Variants in MACROD2 observed in about 807,000 individuals in gnomAD.
MACROD2 encodes mono-ADP ribosylhydrolase 2.
A neutral mutation model predicts 70.4 loss-of-function variants in MACROD2; 36 were observed. The ratio of observed to expected loss-of-function variants is 0.51; its 90% confidence interval spans 0.39 to 0.68. The LOEUF (loss-of-function observed/expected upper bound fraction) is 0.68, where lower values mean the gene tolerates loss of function less well. Ranked by LOEUF, MACROD2 falls within the 30% of genes least tolerant of loss-of-function variation. The pLI is 0.00. For missense variants in MACROD2, 496 were observed against 538.4 expected (o/e 0.92, Z 0.78); for synonymous variants, 172 against 178.8 (o/e 0.96, Z 0.30).
rs951397131 is a variant in MACROD2 at position 15,461,006 on chromosome 20, AT to A, written c.571+29580del. On this transcript the variant is annotated intron_variant, in intron 7 of 17. Coordinates refer to ENST00000684519, the MANE Select transcript of MACROD2 (RefSeq NM_001351661.2). ...TATATATATATATATATATATATAT[AT>A]TTTTTTTTAATAGATGGGGTCTTGC... 2.4e-4 allele frequency among the ~76,000 whole-genome samples: 16 copies of A among 67,018 alleles called. 1 individual carries two copies. Among genetic ancestry groups the A allele is most frequent in the South Asian group, 6.8e-4 (1 of 1,472 alleles). The allele number at this position is 67,018 out of a possible 152,430, so 44.0% of individuals were successfully genotyped here.
At chr20:15,765,647 G>A (rs894626709) in intron 8 of MACROD2, among the ~76,000 whole-genome samples, 1 of 152,024 alleles carries the variant, frequency 6.6e-6, no homozygotes, top group African/African-American at 2.4e-5. Flanking sequence ...GTGTTAAAGA[G>A]GGAAAACATA....
At chr20:15,779,879 G>C (rs2051800132) in intron 8 of MACROD2, among the ~76,000 whole-genome samples, 1 of 152,078 alleles carries the variant, frequency 6.6e-6, no homozygotes. Context: ...TTGTGTTGGA[G>C]CCTTATTGAT....
intron 3 of MACROD2, among the ~76,000 whole-genome samples, chr20:14,420,410 C>A (rs937932916): frequency 3.3e-5 from 5 of 151,966 alleles, no homozygotes; most frequent in Non-Finnish European, 7.4e-5. Context: ...ATAGTAGACA[C>A]CCTAATCATT....
At chr20:14,270,927 C>T (rs553757251) in intron 3 of MACROD2, among the ~76,000 whole-genome samples, 8 of 152,342 alleles carry the variant, frequency 5.3e-5, no homozygotes, top group East Asian at 1.9e-4. Context: ...AAGGCCGCAG[C>T]GAGGCTGGGG....
chr20:14,430,932 G>T (rs772326243), intron 3 of MACROD2, among the ~76,000 whole-genome samples: 5 of 152,184 alleles, frequency 3.3e-5, no homozygotes, highest in Middle Eastern at 6.8e-3. Flanking sequence ...CTTGGAAGCC[G>T]CATGATGGGA....
At chr20:14,752,364 C>T (rs943694788) in intron 5 of MACROD2, among the ~76,000 whole-genome samples, 2 of 151,072 alleles carry the variant, frequency 1.3e-5, no homozygotes, top group East Asian at 1.9e-4. Flanking sequence ...CTACTACATC[C>T]ATTGAGTTAT....
intron 8 of MACROD2, among the ~76,000 whole-genome samples, chr20:15,655,585 G>C (rs1050403903): frequency 6.6e-6 from 1 of 152,158 alleles, no homozygotes; most frequent in Admixed American, 6.5e-5. Context: ...TTTAAAAGTT[G>C]TGTAACATTA....
chr20:15,135,830 C>CA (rs2076143147), intron 5 of MACROD2, among the ~76,000 whole-genome samples: 1 of 143,758 alleles, frequency 7.0e-6, no homozygotes, highest in South Asian at 2.3e-4. Flanking sequence ...TGTCTCAGCC[C>CA]AAAATCTCCT....
intron 10 of MACROD2, among the ~76,000 whole-genome samples, chr20:15,932,223 G>C (rs1316762650): frequency 6.6e-6 from 1 of 152,134 alleles, no homozygotes; most frequent in Admixed American, 6.6e-5. Flanking sequence ...CTCTCCATGT[G>C]TCTCCCTCCA....
intron 5 of MACROD2, among the ~76,000 whole-genome samples, chr20:14,844,474 G>T (rs190120608): frequency 6.6e-6 from 1 of 151,832 alleles, no homozygotes; most frequent in East Asian, 1.9e-4. Flanking sequence ...CCAAGATGGC[G>T]CCACTGCACT....
intron 6 of MACROD2, among the ~76,000 whole-genome samples, chr20:15,269,381 C>T (rs956712848): frequency 6.6e-6 from 1 of 152,216 alleles, no homozygotes; most frequent in African/African-American, 2.4e-5. Context: ...CCACCCATTC[C>T]TTAGCTGTCC....
At chr20:15,084,865 A>G (rs2075734934) in intron 5 of MACROD2, among the ~76,000 whole-genome samples, 1 of 152,194 alleles carries the variant, frequency 6.6e-6, no homozygotes, top group Non-Finnish European at 1.5e-5. Flanking sequence ...CTACAGATTC[A>G]ATGCAATACT....
chr20:14,733,530 G>A (rs6042884), intron 5 of MACROD2, among the ~76,000 whole-genome samples: 3 of 152,134 alleles, frequency 2.0e-5, no homozygotes, highest in African/African-American at 7.2e-5. Context: ...GTAAGAAATT[G>A]ATAATGTATC....
At chr20:14,751,772 A>C (rs1441483615) in intron 5 of MACROD2, among the ~76,000 whole-genome samples, 1 of 152,114 alleles carries the variant, frequency 6.6e-6, no homozygotes, top group Non-Finnish European at 1.5e-5. Context: ...TGGCTAAAAC[A>C]AGTCACTTGA....
At chr20:14,546,589 G>C (rs762710645) in intron 4 of MACROD2, among the ~76,000 whole-genome samples, 2 of 152,116 alleles carry the variant, frequency 1.3e-5, no homozygotes, top group Non-Finnish European at 2.9e-5. Flanking sequence ...GACAGATCCT[G>C]ATTGTCATCC....
chr20:14,720,536 C>CTTT lies in MACROD2; in HGVS notation c.418+35609_418+35611dup, dbSNP rs753673265. 9.2e-3 allele frequency among the ~76,000 whole-genome samples: 331 copies of CTTT among 35,936 alleles called. 76 individuals carry two copies. The highest frequency in any genetic ancestry group is 0.019 in the East Asian group (14 of 742). 23.6% of individuals were successfully genotyped at this position (35,936 alleles called of 152,430 possible). ...GTTTCATTTCCCAGCTGCCCCACAA[C>CTTT]TTTTTTTTTTTTTTTTTTTTTTTTT... On this transcript the variant is annotated intron_variant, in intron 5 of 17. Transcript: ENST00000684519.
intron 3 of MACROD2, among the ~76,000 whole-genome samples, chr20:14,228,957 C>T (rs1483784228): frequency 1.3e-5 from 2 of 148,416 alleles, no homozygotes; most frequent in Admixed American, 6.8e-5. Context: ...TTGCAGTGAG[C>T]CAGGATCATG....
At chr20:15,841,070 C>G (rs1317774547) in intron 8 of MACROD2, among the ~76,000 whole-genome samples, 1 of 152,094 alleles carries the variant, frequency 6.6e-6, no homozygotes. Flanking sequence ...TCATTTTATC[C>G]TCATCTCACA....
intron 3 of MACROD2, among the ~76,000 whole-genome samples, chr20:14,299,447 T>C (rs1219858300): frequency 6.6e-6 from 1 of 152,062 alleles, no homozygotes; most frequent in African/African-American, 2.4e-5. Context: ...TCTTTATGGG[T>C]GAGGAGTTGC....
Sources: gnomAD v4.1 joint callset for allele counts (sites outside exome capture counted in the v4.1 genomes callset) on GRCh38, gnomAD v4.1.1 for gene constraint, MANE v1.5 for transcripts, NCBI Gene and HGNC (gene_info 2026-07-23, HGNC 2026-07-21) for gene names.